The following HSD17B12 variants were observed in gnomAD, a reference collection of about 807,000 sequenced individuals.
The protein encoded by HSD17B12 is very-long-chain 3-oxoacyl-CoA reductase.
A neutral mutation model predicts 39.3 loss-of-function variants in HSD17B12; 32 were observed. The ratio of observed to expected loss-of-function variants is 0.81; its 90% confidence interval spans 0.61 to 1.09. The LOEUF (loss-of-function observed/expected upper bound fraction) is 1.09, where lower values mean the gene tolerates loss of function less well. Among genes scored for constraint, HSD17B12 ranks in the 50% least tolerant of loss-of-function variants. HSD17B12 has a pLI of 0.00. For synonymous variants in HSD17B12, 150 were observed against 146.7 expected, an observed-to-expected ratio of 1.02 and a Z score of -0.16; for missense variants, 342 against 382.9, an observed-to-expected ratio of 0.89 and a Z score of 0.89.
At chr11:43,588,610 C>CCATTATTATTATTAT in the HSD17B12 span, among the ~76,000 whole-genome samples, 4 of 144,982 alleles carry the variant, frequency 2.8e-5, no homozygotes, top group East Asian at 4.1e-4. Flanking sequence ...TTATTATTAG[C>CCATTATTATTATTAT]TATTATTATT....
intron 9 of HSD17B12, among the ~76,000 whole-genome samples, chr11:43,850,774 G>C (rs1951523113): frequency 6.6e-6 from 1 of 152,190 alleles, no homozygotes. Flanking sequence ...AAGATACCAA[G>C]TTGTCGGGCC....
chr11:43,817,552 T>A (rs530237793), intron 6 of HSD17B12, among the ~76,000 whole-genome samples: 1 of 152,318 alleles, frequency 6.6e-6, no homozygotes, highest in East Asian at 1.9e-4. Context: ...TCCAGTTTCA[T>A]TCTGCTACAT....
the HSD17B12 span, among the ~76,000 whole-genome samples, chr11:43,575,449 G>T: frequency 6.6e-6 from 1 of 152,266 alleles, no homozygotes; most frequent in Non-Finnish European, 1.5e-5. This position sits in a 1 kb window ranked among gnomAD's most constrained non-coding sequence, Gnocchi z 4.1. Context: ...GGCGGGGAAA[G>T]GACGCGCGCG....
At chr11:43,645,643 A>C in the HSD17B12 span, 1 of 152,348 alleles carries the variant, frequency 6.6e-6, no homozygotes, top group Admixed American at 6.5e-5. Flanking sequence ...CTTGTGATGA[A>C]TGAGGTTTTT....
the HSD17B12 span, among the ~76,000 whole-genome samples, chr11:43,627,321 G>T: frequency 6.6e-6 from 1 of 151,694 alleles, no homozygotes. Context: ...AAAGTAGGAT[G>T]ATTAGGTAAA....
the HSD17B12 span, among the ~76,000 whole-genome samples, chr11:43,651,443 T>C: frequency 6.6e-6 from 1 of 152,308 alleles, no homozygotes; most frequent in South Asian, 2.1e-4. Context: ...AGAAGTATGG[T>C]CAAACAGGCA....
chr11:43,712,613 A>G (rs559472521), intron 1 of HSD17B12, among the ~76,000 whole-genome samples: 1 of 152,116 alleles, frequency 6.6e-6, no homozygotes, highest in East Asian at 1.9e-4. Flanking sequence ...ACCAATGTAA[A>G]TCTTACGTGT....
chr11:43,754,299 G>T (rs1468335432), intron 3 of HSD17B12, 178 bp downstream of exon 3: 3 of 565,054 alleles, frequency 5.3e-6, no homozygotes, highest in Non-Finnish European at 9.3e-6. Flanking sequence ...TAGGCTGGGT[G>T]CGGTGGCTCA....
intron 1 of HSD17B12, chr11:43,734,189 T>C: frequency 6.4e-7 from 1 of 1,573,076 alleles, no homozygotes; most frequent in South Asian, 1.1e-5. Context: ...AGAGCTGGTC[T>C]CCAGGCAGGT....
chr11:43,818,385 G>A (rs10768983), intron 6 of HSD17B12, among the ~76,000 whole-genome samples: 99,607 of 151,982 alleles, frequency 0.66, 32,987 homozygotes, highest in East Asian at 0.76. Context: ...CTGCCAAAAG[G>A]AGGAATACTT....
chr11:43,705,623 TA>T (rs1950005614), intron 1 of HSD17B12, among the ~76,000 whole-genome samples: 1 of 152,060 alleles, frequency 6.6e-6, no homozygotes, highest in African/African-American at 2.4e-5. Flanking sequence ...ATCCTGGGGG[TA>T]TCATCTTAAC....
At chr11:43,827,717 A>G (rs918520987) in intron 6 of HSD17B12, among the ~76,000 whole-genome samples, 14 of 152,214 alleles carry the variant, frequency 9.2e-5, no homozygotes, top group Non-Finnish European at 1.5e-4. Context: ...TAATCTAATC[A>G]TCTAAATAAT....
At chr11:43,852,159 G>T (rs1453091161) in intron 9 of HSD17B12, 1 of 152,176 alleles carries the variant, frequency 6.6e-6, no homozygotes, top group Non-Finnish European at 1.5e-5. Flanking sequence ...TGCATCTCTT[G>T]TCCCCACCCC....
chr11:43,701,009 CT>C (rs1949959205), intron 1 of HSD17B12, among the ~76,000 whole-genome samples: 1 of 152,030 alleles, frequency 6.6e-6, no homozygotes, highest in Non-Finnish European at 1.5e-5. Flanking sequence ...TATTGCCTGT[CT>C]TTTGGGATAT....
the HSD17B12 span, among the ~76,000 whole-genome samples, chr11:43,667,238 G>A: frequency 1.3e-5 from 2 of 152,058 alleles, no homozygotes; most frequent in Non-Finnish European, 2.9e-5. Context: ...GGCAACCTCC[G>A]CCTCCCAGGT....
intron 4 of HSD17B12, among the ~76,000 whole-genome samples, chr11:43,815,205 G>A (rs954000900): frequency 6.6e-6 from 1 of 152,180 alleles, no homozygotes; most frequent in East Asian, 1.9e-4. Context: ...TATAAGTTCT[G>A]TCAGTTGCTG....
chr11:43,625,246 T>C, the HSD17B12 span, among the ~76,000 whole-genome samples: 1 of 151,644 alleles, frequency 6.6e-6, no homozygotes, highest in East Asian at 1.9e-4. Flanking sequence ...TATTACAATT[T>C]TGTAATACTT....
At chr11:43,619,232 T>C in the HSD17B12 span, among the ~76,000 whole-genome samples, 1 of 26,026 alleles carries the variant, frequency 3.8e-5, no homozygotes, top group Non-Finnish European at 9.0e-5. Context: ...ATATATGATA[T>C]ATATATATAT....
the HSD17B12 span, among the ~76,000 whole-genome samples, chr11:43,598,888 C>T: frequency 6.6e-6 from 1 of 152,310 alleles, no homozygotes; most frequent in South Asian, 2.1e-4. Context: ...CACATCACAT[C>T]TGCCCAATGG....
Sources: allele counts gnomAD v4.1 joint callset (sites outside exome capture counted in the v4.1 genomes callset), GRCh38; gene constraint gnomAD v4.1.1; non-coding constraint Gnocchi (gnomAD v3.1); transcripts MANE v1.5; gene names NCBI Gene and HGNC (gene_info 2026-07-23, HGNC 2026-07-21).